The following CNTN4 variants were observed in gnomAD, a reference collection of about 807,000 sequenced individuals.
CNTN4 encodes contactin-4.
CNTN4 carries 77 observed loss-of-function variants against 122.5 expected under a neutral mutation model. The observed-to-expected ratio is 0.63, with a 90% confidence interval of 0.52 to 0.76. CNTN4 has a LOEUF of 0.76. Among genes scored for constraint, CNTN4 ranks in the 30% least tolerant of loss-of-function variants. The pLI is 0.00. For missense variants in CNTN4, 1,256 were observed against 1,259.1 expected (o/e 1.00, Z 0.04); for synonymous variants, 512 against 447.0 (o/e 1.15, Z -1.83).
intron 2 of CNTN4, among the ~76,000 whole-genome samples, chr3:2,248,540 T>C (rs1023737655): frequency 6.6e-6 from 1 of 151,988 alleles, no homozygotes; most frequent in African/African-American, 2.4e-5. Context: ...AAACAGAACA[T>C]AAACCCCCCA....
chr3:3,046,838 G>C (rs924318137), intron 23 of CNTN4, among the ~76,000 whole-genome samples: 4 of 143,644 alleles, frequency 2.8e-5, no homozygotes, highest in Admixed American at 7.0e-5. Flanking sequence ...ATGGCAAATT[G>C]GATAGAGTCA....
chr3:2,359,021 G>GT (rs2044999466), intron 3 of CNTN4, among the ~76,000 whole-genome samples: 1 of 152,160 alleles, frequency 6.6e-6, no homozygotes, highest in Non-Finnish European at 1.5e-5. Flanking sequence ...ATATGTCATA[G>GT]TTATATCAAA....
chr3:2,494,554 T>C (rs1021776707), intron 3 of CNTN4, among the ~76,000 whole-genome samples: 4 of 152,124 alleles, frequency 2.6e-5, no homozygotes, highest in African/African-American at 9.7e-5. Flanking sequence ...CTGGTAAATG[T>C]CTCTTATCAG....
chr3:2,382,505 T>G (rs1230792545), intron 3 of CNTN4, among the ~76,000 whole-genome samples: 1 of 152,172 alleles, frequency 6.6e-6, no homozygotes, highest in Non-Finnish European at 1.5e-5. Context: ...AGGAGGCATT[T>G]TTTAGCCTAA....
At chr3:2,990,617 A>C (rs1026490817) in intron 14 of CNTN4, among the ~76,000 whole-genome samples, 2 of 152,226 alleles carry the variant, frequency 1.3e-5, no homozygotes, top group Admixed American at 6.5e-5. Flanking sequence ...CACAAGCCCC[A>C]GGACAAAACC....
rs73805358 is a variant in CNTN4, at chr3:2,617,816, C to T, written c.55+46258C>T. 4.8e-3 allele frequency among the ~76,000 whole-genome samples: 736 copies of T among 152,070 alleles called. 6 individuals carry two copies. The highest frequency in any genetic ancestry group is 0.017 in the African/African-American group (718 of 41,486). ...TAATGATAATGTCTCTATTTCTTCT[C>T]GGTTATAATCTCTGTGCAAGATGAT... On this transcript the variant is annotated intron_variant, in intron 4 of 24. Coordinates refer to ENST00000418658, the MANE Select transcript of CNTN4 (RefSeq NM_175607.3).
chr3:2,276,730 A>G (rs1440571556), intron 2 of CNTN4, among the ~76,000 whole-genome samples: 1 of 152,168 alleles, frequency 6.6e-6, no homozygotes, highest in African/African-American at 2.4e-5. Flanking sequence ...TGTCTGGCCA[A>G]CATGGTGAAA....
At chr3:2,879,977 A>T (rs1042970834) in intron 8 of CNTN4, among the ~76,000 whole-genome samples, 2 of 152,202 alleles carry the variant, frequency 1.3e-5, no homozygotes, top group Admixed American at 1.3e-4. Context: ...GGAGAGGGAA[A>T]GGCAGGCAGT....
chr3:2,541,133 T>C (rs2078015145), intron 3 of CNTN4, among the ~76,000 whole-genome samples: 1 of 152,250 alleles, frequency 6.6e-6, no homozygotes, highest in Non-Finnish European at 1.5e-5. Flanking sequence ...TTTGAAGAAT[T>C]ATTTGTTTGC....
At chr3:2,864,612 A>G (rs1439110856) in intron 7 of CNTN4, among the ~76,000 whole-genome samples, 1 of 151,454 alleles carries the variant, frequency 6.6e-6, no homozygotes, top group African/African-American at 2.4e-5. Flanking sequence ...CGTGGTGGGC[A>G]CCTGTAGTCC....
At chr3:2,670,247 A>G (rs1401416113) in intron 4 of CNTN4, among the ~76,000 whole-genome samples, 2 of 152,138 alleles carry the variant, frequency 1.3e-5, no homozygotes, top group African/African-American at 4.8e-5. Flanking sequence ...GTAGGTCTCT[A>G]AGGACTTGCT....
At chr3:2,592,009 G>C (rs879500889) in intron 4 of CNTN4, among the ~76,000 whole-genome samples, 1 of 151,992 alleles carries the variant, frequency 6.6e-6, no homozygotes, top group Non-Finnish European at 1.5e-5. Context: ...TCCCTAGTAT[G>C]CTGGGACTAC....
At chr3:2,988,709 A>G (rs572462666) in intron 14 of CNTN4, 2 of 529,620 alleles carry the variant, frequency 3.8e-6, no homozygotes, top group East Asian at 3.4e-5. Context: ...AATTATAGCC[A>G]TTGTATCTCT....
In CNTN4 at chr3:2,269,914, GTTTATTTATTTATTTATTTATTTA is replaced by G. The variant is rs777408553; in HGVS notation, c.-144-69244_-144-69221del. On this transcript the variant is annotated intron_variant, in intron 2 of 24. Coordinates refer to ENST00000418658, the MANE Select transcript of CNTN4 (RefSeq NM_175607.3). ...TTATAGCCAGTTTGTTTGTTTGTTT[GTTTATTTATTTATTTATTTATTTA>G]TTTATTTATTTATTTATTTTTTGAG... Among the ~76,000 whole-genome samples, 2 of 54,746 alleles carry G rather than the reference GTTTATTTATTTATTTATTTATTTA, an allele frequency of 3.7e-5. 1 individual carries two copies. Among genetic ancestry groups the G allele is most frequent in the African/African-American group, 9.8e-5 (2 of 20,312 alleles). The allele number at this position is 54,746 out of a possible 152,430, so 35.9% of individuals were successfully genotyped here.
chr3:2,315,453 C>T (rs904537873), intron 2 of CNTN4, among the ~76,000 whole-genome samples: 8 of 151,706 alleles, frequency 5.3e-5, no homozygotes, highest in African/African-American at 1.7e-4. Context: ...GGATATCCAG[C>T]TTGGTTATTA....
intron 4 of CNTN4, among the ~76,000 whole-genome samples, chr3:2,574,214 C>T (rs1392578088): frequency 1.3e-5 from 2 of 151,706 alleles, no homozygotes; most frequent in Admixed American, 6.6e-5. Context: ...GAAACTCCAT[C>T]TCACCAAAAA....
chr3:2,844,179 C>T (rs551749333), intron 7 of CNTN4, among the ~76,000 whole-genome samples: 5 of 152,350 alleles, frequency 3.3e-5, no homozygotes, highest in South Asian at 4.1e-4. Context: ...AATCTCTGCT[C>T]ATTTCCACCC....
chr3:2,377,494 G>T (rs961192719), intron 3 of CNTN4, among the ~76,000 whole-genome samples: 1 of 152,138 alleles, frequency 6.6e-6, no homozygotes, highest in Non-Finnish European at 1.5e-5. Context: ...TAGAGATCTG[G>T]TATCTTCACA....
In CNTN4 at chr3:2,260,727, TA is replaced by T. The variant is rs1193893911; in HGVS notation, c.-144-78450del. Among the ~76,000 whole-genome samples the T allele has an allele frequency of 6.7e-5, 6 of 90,048 alleles. No homozygotes were observed. The Admixed American group carries it at 6.8e-4, about 10-fold the overall frequency. 59.1% of individuals were successfully genotyped at this position (90,048 alleles called of 152,430 possible). A position where few individuals can be genotyped will look rare whatever the true frequency, so the allele number is the denominator to read the frequency against. ...TCTTTTCTTTTCTTTTTATTTTATTTATTTATTTTTTTTTTGAGACAAGAGT... is the reference window on the plus strand; with the variant it reads ...TCTTTTCTTTTCTTTTTATTTTATTTTTTATTTTTTTTTTGAGACAAGAGT... On this transcript the variant is annotated intron_variant, in intron 2 of 24. Transcript: ENST00000418658.
Sources: allele counts gnomAD v4.1 joint callset (sites outside exome capture counted in the v4.1 genomes callset), GRCh38; gene constraint gnomAD v4.1.1; transcripts MANE v1.5; gene names NCBI Gene and HGNC (gene_info 2026-07-23, HGNC 2026-07-21).